Variants in STXBP6 observed in about 807,000 individuals in gnomAD.
The protein encoded by STXBP6 is syntaxin-binding protein 6.
A neutral mutation model predicts 26.9 loss-of-function variants in STXBP6; 21 were observed. That is an observed-to-expected ratio of 0.78 (90% CI 0.55 to 1.12). STXBP6 has a LOEUF of 1.12. Among genes scored for constraint, STXBP6 ranks in the 50% most tolerant of loss-of-function variants. STXBP6 has a pLI of 0.00. For missense variants in STXBP6, 232 were observed against 257.9 expected (o/e 0.90, Z 0.69); for synonymous variants, 97 against 92.6 (o/e 1.05, Z -0.27).
Position 24,875,566 on chromosome 14 carries a change from G to A in STXBP6, c.155-18409C>T, listed in dbSNP as rs564153636. Among the ~76,000 whole-genome samples the A allele has an allele frequency of 3.3e-5, 5 of 152,272 alleles. No homozygotes were observed. In the East Asian group the frequency reaches 9.7e-4, roughly 29 times the overall value. On this transcript the variant is annotated intron_variant, in intron 2 of 5. Transcript: ENST00000323944. ...GGCAGGAAGGAGCTTCATGCTATGA[G>A]AAATCTATTCTGTTGAAAGTGGAAA...
At chr14:24,939,461 CT>C (rs35988306) in intron 2 of STXBP6, among the ~76,000 whole-genome samples, 27,002 of 145,164 alleles carry the variant, frequency 0.19, 3,059 homozygotes, top group East Asian at 0.36. Context: ...TCTACATTAC[CT>C]TTTTTTTTTT....
intron 1 of STXBP6, among the ~76,000 whole-genome samples, chr14:24,999,703 A>G (rs1219304883): frequency 6.6e-6 from 1 of 152,180 alleles, no homozygotes; most frequent in Non-Finnish European, 1.5e-5. Flanking sequence ...AAAAGACTTC[A>G]GTTTAAAAAC....
At position 24,855,995 on chromosome 14, in the gene STXBP6, T is replaced by C. The variant is rs753307844; in HGVS notation, c.392A>G (p.Gln131Arg). 8 of 1,611,488 alleles carry C rather than the reference T, an allele frequency of 5.0e-6. No homozygotes were observed. The highest frequency in any genetic ancestry group is 4.2e-6 in the Non-Finnish European group (5 of 1,178,668). ...TGGCTTCCTGTCCGTGAGGTACCTC[T>C]GGCAGGTATGGTGGAGGATCTGGAA... ...TFFQILHHTC[Q>R]RYLTDRKPEF... Residue 131 changes from glutamine (Q) to arginine (R), a missense_variant, in exon 4 of 6, where the codon CAG becomes CGG. Coordinates refer to ENST00000323944, the MANE Select transcript of STXBP6 (RefSeq NM_001394410.1).
At chr14:24,921,347 G>A (rs1397335898) in intron 2 of STXBP6, among the ~76,000 whole-genome samples, 2 of 151,984 alleles carry the variant, frequency 1.3e-5, no homozygotes, top group East Asian at 3.9e-4. Flanking sequence ...ACTTTAATAA[G>A]GTGCTTAGAG....
At chr14:24,952,856 A>G (rs1441925679) in intron 2 of STXBP6, among the ~76,000 whole-genome samples, 3 of 152,210 alleles carry the variant, frequency 2.0e-5, no homozygotes, top group Non-Finnish European at 1.5e-5. Flanking sequence ...TCAGAGGAGG[A>G]AACCATACCA....
rs11159004 is a variant in STXBP6, at chr14:24,951,668, T to A, written c.154+22997A>T. Among the ~76,000 whole-genome samples, 205 of 152,318 alleles carry A rather than the reference T, an allele frequency of 1.3e-3. 2 individuals carry two copies. The East Asian group carries it at 0.038, about 28-fold the overall frequency. ...TATTATATTACATGGCTTTACTGTA[T>A]AATTTTTGGTCATTCTTCATTTAAA... On this transcript the variant is annotated intron_variant, in intron 2 of 5. Coordinates refer to ENST00000323944, the MANE Select transcript of STXBP6 (RefSeq NM_001394410.1).
At chr14:25,014,715 T>C (rs2075108914) in intron 1 of STXBP6, among the ~76,000 whole-genome samples, 3 of 152,252 alleles carry the variant, frequency 2.0e-5, no homozygotes, top group Non-Finnish European at 2.9e-5. Flanking sequence ...CTCTGAACCG[T>C]AGACATCTCT....
At chr14:24,919,142 G>GT (rs1354566879) in intron 2 of STXBP6, among the ~76,000 whole-genome samples, 1 of 152,022 alleles carries the variant, frequency 6.6e-6, no homozygotes, top group Non-Finnish European at 1.5e-5. Flanking sequence ...GTCTGCCTTT[G>GT]TTTTTTAACA....
chr14:25,000,633 C>T (rs1234172539), intron 1 of STXBP6, among the ~76,000 whole-genome samples: 2 of 150,408 alleles, frequency 1.3e-5, no homozygotes, highest in African/African-American at 4.9e-5. Flanking sequence ...ACTCTAACTT[C>T]CCCTCTGCAT....
intron 4 of STXBP6, among the ~76,000 whole-genome samples, chr14:24,819,898 G>A (rs927535888): frequency 2.0e-5 from 3 of 152,058 alleles, no homozygotes; most frequent in African/African-American, 7.2e-5. Context: ...TACTTAACCA[G>A]CAGGTACAAA....
chr14:24,945,128 A>C (rs2072936257), intron 2 of STXBP6, among the ~76,000 whole-genome samples: 1 of 130,554 alleles, frequency 7.7e-6, no homozygotes, highest in African/African-American at 3.0e-5. Context: ...ATGTATATGA[A>C]CCAATTAGGA....
intron 2 of STXBP6, among the ~76,000 whole-genome samples, chr14:24,928,733 T>C (rs929103013): frequency 2.6e-5 from 4 of 152,206 alleles, no homozygotes; most frequent in Admixed American, 1.3e-4. Flanking sequence ...AGCTGTTCTA[T>C]CTGATCATTG....
intron 2 of STXBP6, among the ~76,000 whole-genome samples, chr14:24,914,996 T>C (rs746550085): frequency 6.6e-6 from 1 of 152,190 alleles, no homozygotes; most frequent in Non-Finnish European, 1.5e-5. Flanking sequence ...TCAGAAGTTA[T>C]TTATCAAAAA....
At chr14:25,044,824 A>G (rs2075700788) in intron 1 of STXBP6, among the ~76,000 whole-genome samples, 1 of 152,148 alleles carries the variant, frequency 6.6e-6, no homozygotes, top group African/African-American at 2.4e-5. Flanking sequence ...ATGCTCTGAA[A>G]ATTATTTATA....
At chr14:24,875,124 C>T (rs2070088405) in intron 2 of STXBP6, among the ~76,000 whole-genome samples, 1 of 152,090 alleles carries the variant, frequency 6.6e-6, no homozygotes, top group South Asian at 2.1e-4. Flanking sequence ...GAGAGAAAGC[C>T]CTGGACCGGG....
At chr14:24,939,371 C>A (rs2072719648) in intron 2 of STXBP6, among the ~76,000 whole-genome samples, 1 of 152,140 alleles carries the variant, frequency 6.6e-6, no homozygotes, top group Admixed American at 6.5e-5. Context: ...TAATGGGTTC[C>A]TCTGAAACAA....
At chr14:24,980,934 A>G (rs536455210) in intron 1 of STXBP6, among the ~76,000 whole-genome samples, 98 of 152,356 alleles carry the variant, frequency 6.4e-4, no homozygotes, top group African/African-American at 2.3e-3. Flanking sequence ...GGTCCTGCTC[A>G]CAGAGATTCA....
intron 2 of STXBP6, among the ~76,000 whole-genome samples, chr14:24,960,504 T>C (rs1001165799): frequency 3.9e-5 from 6 of 152,242 alleles, no homozygotes; most frequent in Non-Finnish European, 8.8e-5. Context: ...ACAATTATAT[T>C]TTAAATTTTA....
chr14:24,988,449 AG>A (rs950291914), intron 1 of STXBP6, among the ~76,000 whole-genome samples: 1 of 152,238 alleles, frequency 6.6e-6, no homozygotes, highest in Non-Finnish European at 1.5e-5. Flanking sequence ...CAGCAGCAGA[AG>A]GGGCAAGTAC....
Sources: allele counts gnomAD v4.1 joint callset (sites outside exome capture counted in the v4.1 genomes callset), GRCh38; gene constraint gnomAD v4.1.1; transcripts MANE v1.5; gene names NCBI Gene and HGNC (gene_info 2026-07-23, HGNC 2026-07-21).